ARHGAP22: variants seen among roughly 807,000 people sequenced by gnomAD.
ARHGAP22 encodes the protein rho GTPase-activating protein 22.
In ARHGAP22, 48 loss-of-function variants were observed where a neutral mutation model predicts 59.1. That is an observed-to-expected ratio of 0.81 (90% confidence interval 0.64 to 1.03). The LOEUF is 1.03. Among genes scored for constraint, ARHGAP22 ranks in the 50% least tolerant of loss-of-function variants. The pLI, the probability that ARHGAP22 is intolerant of heterozygous loss-of-function variation, is 0.00. For synonymous variants in ARHGAP22, 445 were observed against 416.4 expected (o/e 1.07, Z -0.84); for missense variants, 1,015 against 958.7 (o/e 1.06, Z -0.78).
intron 1 of ARHGAP22, among the ~76,000 whole-genome samples, chr10:48,639,051 A>C (rs2061938347): frequency 6.6e-6 from 1 of 152,354 alleles, no homozygotes. Flanking sequence ...TTGAGTAAGA[A>C]CAGAATGAGT....
chr10:48,448,152 C>A (rs949098712), intron 9 of ARHGAP22, among the ~76,000 whole-genome samples: 6 of 152,182 alleles, frequency 3.9e-5, no homozygotes, highest in African/African-American at 1.2e-4. Flanking sequence ...ATTGCCCAGG[C>A]CAAAAGGCCC....
In ARHGAP22 at chr10:48,450,704, C is replaced by A; in HGVS notation, c.1425G>T (p.Ser475=). The change falls in exon 9 of 10, where the codon TCG becomes TCT. Residue 475 remains serine, a synonymous_variant. Coordinates refer to ENST00000249601, the MANE Select transcript of ARHGAP22 (RefSeq NM_021226.4). ...CCGAGTCCTTGAGCCGGTCTCCCGACGAGGCCCGGCGGTGTCCGCGCAGGG... is the reference window on the plus strand; with the variant it reads ...CCGAGTCCTTGAGCCGGTCTCCCGAAGAGGCCCGGCGGTGTCCGCGCAGGG... ...LSSLRGHRRA[S]SGDRLKDSGS... is the part of the protein sequence containing the mutation. The A allele has an allele frequency of 6.4e-7, 1 of 1,552,880 alleles. No individual in the cohort carries two copies. Among genetic ancestry groups the A allele is most frequent in the South Asian group, 1.2e-5 (1 of 84,150 alleles).
the ARHGAP22 span, chr10:48,431,136 G>T: frequency 9.2e-7 from 1 of 1,082,474 alleles, no homozygotes; most frequent in Non-Finnish European, 1.4e-6. Flanking sequence ...CCATACATGC[G>T]TTGTGAGATT....
At chr10:48,582,902 T>G in intron 2 of ARHGAP22, 51 bp downstream of exon 2, 1 of 1,598,466 alleles carries the variant, frequency 6.3e-7, no homozygotes. Flanking sequence ...GTCTTCCCTC[T>G]TGTGGAGCCC....
chr10:48,632,642 C>A (rs1326125183), intron 1 of ARHGAP22, among the ~76,000 whole-genome samples: 1 of 152,116 alleles, frequency 6.6e-6, no homozygotes, highest in Non-Finnish European at 1.5e-5. Flanking sequence ...GGTTTGTTTT[C>A]TGTCACTGCC....
chr10:48,459,677 A>G lies in ARHGAP22; in HGVS notation c.659+7T>C, dbSNP rs757766667. ...TGGCTCCACCTTACCCCCGATCACA[A>G]GCTCACCTGTCAAACAGTGGCTTCT... On this transcript the variant is annotated splice_region_variant and intron_variant, in intron 5 of 9. Transcript: ENST00000249601. 1 of 1,614,058 alleles carries G rather than the reference A, an allele frequency of 6.2e-7. No homozygotes were observed. The highest frequency in any genetic ancestry group is 2.2e-5 in the East Asian group (1 of 44,872).
Position 48,450,482 on chromosome 10 carries a change from C to T in ARHGAP22, c.1647G>A (p.Leu549=), listed in dbSNP as rs751169459. Residue 549 remains leucine (L), a synonymous_variant, in exon 9 of 10, where the codon CTG becomes CTA. Coordinates refer to ENST00000249601, the MANE Select transcript of ARHGAP22 (RefSeq NM_021226.4). ...ARSSLHTDWA[L]EPSPLPSSSE... The stretch of plus-strand genomic sequence containing the variant: ...TGCTGCTGGGGAGCGGGGAGGGCTC[C>T]AGGGCCCAGTCGGTGTGCAGGGAAC... The T allele has an allele frequency of 4.6e-6, 7 of 1,536,842 alleles. No individual in the cohort carries two copies.
chr10:48,575,319 G>C (rs2058642628), intron 2 of ARHGAP22: 1 of 152,196 alleles, frequency 6.6e-6, no homozygotes. Flanking sequence ...TGGAGTAACA[G>C]AGTTCATGAA....
At chr10:48,549,642 C>A (rs139576041) in intron 3 of ARHGAP22, among the ~76,000 whole-genome samples, 3 of 152,324 alleles carry the variant, frequency 2.0e-5, no homozygotes, top group African/African-American at 7.2e-5. Flanking sequence ...GCCAGGAGAT[C>A]AAAGCACAAA....
At chr10:48,498,331 C>T (rs1020818749) in intron 3 of ARHGAP22, among the ~76,000 whole-genome samples, 3 of 152,072 alleles carry the variant, frequency 2.0e-5, no homozygotes, top group Admixed American at 6.5e-5. Context: ...GGTGTGCTGG[C>T]GAACAATGAA....
At chr10:48,597,132 C>T (rs79351541) in intron 1 of ARHGAP22, among the ~76,000 whole-genome samples, 2 of 152,278 alleles carry the variant, frequency 1.3e-5, no homozygotes, top group East Asian at 3.9e-4. Flanking sequence ...ACCTTGCTGA[C>T]ACCTCTGGCT....
At chr10:48,549,551 G>A (rs947209273) in intron 3 of ARHGAP22, among the ~76,000 whole-genome samples, 3 of 152,086 alleles carry the variant, frequency 2.0e-5, no homozygotes, top group African/African-American at 7.2e-5. Context: ...AATTATCTGG[G>A]GTGGGAGAGC....
chr10:48,563,939 T>C (rs2057880044), intron 2 of ARHGAP22, among the ~76,000 whole-genome samples: 1 of 152,134 alleles, frequency 6.6e-6, no homozygotes, highest in Non-Finnish European at 1.5e-5. Context: ...GGGTAAAGGG[T>C]GTTAACAAGG....
chr10:48,622,122 T>C (rs1012736283), intron 1 of ARHGAP22, among the ~76,000 whole-genome samples: 3 of 152,226 alleles, frequency 2.0e-5, no homozygotes, highest in African/African-American at 7.2e-5. Context: ...AATTGGAGAG[T>C]TTAGTCCATT....
At chr10:48,631,775 A>C (rs545278536) in intron 1 of ARHGAP22, among the ~76,000 whole-genome samples, 3 of 152,322 alleles carry the variant, frequency 2.0e-5, no homozygotes, top group African/African-American at 4.8e-5. Context: ...AGATCCATTA[A>C]GCATGAGAAA....
intron 3 of ARHGAP22, among the ~76,000 whole-genome samples, chr10:48,537,494 G>T (rs1483482248): frequency 6.6e-6 from 1 of 152,214 alleles, no homozygotes; most frequent in African/African-American, 2.4e-5. Context: ...CAGGATGCTG[G>T]AATTCTCAGT....
chr10:48,568,462 G>A (rs1161864695), intron 2 of ARHGAP22, among the ~76,000 whole-genome samples: 2 of 152,226 alleles, frequency 1.3e-5, no homozygotes, highest in African/African-American at 2.4e-5. Flanking sequence ...GGGAAACTCA[G>A]ATGAGCTGAA....
intron 2 of ARHGAP22, among the ~76,000 whole-genome samples, chr10:48,576,193 TC>T (rs2058702995): frequency 6.6e-6 from 1 of 151,854 alleles, no homozygotes; most frequent in Non-Finnish European, 1.5e-5. Context: ...ACACATAGCA[TC>T]CATGGACCTC....
chr10:48,655,070 T>TCTCCTCTCCTCTCC (rs2062746052), upstream of ARHGAP22, among the ~76,000 whole-genome samples: 1 of 27,592 alleles, frequency 3.6e-5, no homozygotes, highest in African/African-American at 1.5e-4. Flanking sequence ...CCTTCCCTCC[T>TCTCCTCTCCTCTCC]TCTCTTCTCT....
Sources: gnomAD v4.1 joint callset for allele counts (sites outside exome capture counted in the v4.1 genomes callset) on GRCh38, gnomAD v4.1.1 for gene constraint, MANE v1.5 for transcripts, NCBI Gene and HGNC (gene_info 2026-07-23, HGNC 2026-07-21) for gene names.